BCAR3: variants seen among roughly 807,000 people sequenced by gnomAD.
BCAR3 encodes breast cancer anti-estrogen resistance protein 3.
BCAR3 carries 37 observed loss-of-function variants against 80.1 expected under a neutral mutation model. The observed-to-expected ratio is 0.46, with a 90% CI of 0.36 to 0.61. The LOEUF is 0.61. BCAR3 is among the 20% of genes least tolerant of loss of function. The probability of loss-of-function intolerance (pLI) is 0.00; values close to 1 mark genes in which losing one functional copy is unlikely to be tolerated. For synonymous variants in BCAR3, 389 were observed against 418.9 expected, an observed-to-expected ratio of 0.93 and a Z score of 0.87; for missense variants, 978 against 1,068.2, an observed-to-expected ratio of 0.92 and a Z score of 1.18.
At chr1:93,809,025 A>T (rs143800169) in intron 2 of BCAR3, among the ~76,000 whole-genome samples, 2 of 152,294 alleles carry the variant, frequency 1.3e-5, no homozygotes, top group African/African-American at 4.8e-5. Flanking sequence ...AGGCTGACAG[A>T]GGTTGGGAAG....
At chr1:93,622,023 C>T (rs1675331424) in intron 3 of BCAR3, among the ~76,000 whole-genome samples, 1 of 152,210 alleles carries the variant, frequency 6.6e-6, no homozygotes. Flanking sequence ...AGGCACCCGC[C>T]ACCATGCCTG....
intron 2 of BCAR3, among the ~76,000 whole-genome samples, chr1:93,718,018 G>T (rs1005640641): frequency 3.3e-5 from 5 of 152,296 alleles, no homozygotes; most frequent in Middle Eastern, 3.4e-3. Flanking sequence ...ACTTCACTTG[G>T]TTGTTACTTG....
intron 1 of BCAR3, among the ~76,000 whole-genome samples, chr1:93,678,612 C>T (rs191865604): frequency 2.6e-5 from 4 of 152,246 alleles, no homozygotes; most frequent in Non-Finnish European, 5.9e-5. Context: ...TGGAGGAATC[C>T]AACCTATACA....
At chr1:93,681,891 C>A (rs986543747), upstream of BCAR3, 1 of 152,280 alleles carries the variant, frequency 6.6e-6, no homozygotes, top group African/African-American at 2.4e-5. Context: ...CTCCGCGGCC[C>A]CACCCCGGCG....
chr1:93,570,068 A>G (rs1454428290), intron 9 of BCAR3, among the ~76,000 whole-genome samples: 1 of 152,230 alleles, frequency 6.6e-6, no homozygotes, highest in Non-Finnish European at 1.5e-5. Flanking sequence ...CTTATTTCAA[A>G]TACCAATCCT....
intron 2 of BCAR3, among the ~76,000 whole-genome samples, chr1:93,844,676 C>T (rs1314966891): frequency 1.3e-5 from 2 of 151,804 alleles, no homozygotes; most frequent in African/African-American, 2.4e-5. Context: ...CACCACACAC[C>T]TGACCTTGTT....
intron 3 of BCAR3, among the ~76,000 whole-genome samples, chr1:93,689,863 A>G (rs183471343): frequency 1.4e-4 from 22 of 152,322 alleles, no homozygotes; most frequent in African/African-American, 3.8e-4. Flanking sequence ...CAACTCCCCT[A>G]TACAGAAGGA....
intron 1 of BCAR3, among the ~76,000 whole-genome samples, chr1:93,675,712 G>A (rs1267262692): frequency 6.6e-6 from 1 of 151,984 alleles, no homozygotes; most frequent in Admixed American, 6.6e-5. Flanking sequence ...ATGGTGGGGG[G>A]CAAAGGAAGC....
At chr1:93,642,923 C>T (rs1353901079) in intron 2 of BCAR3, among the ~76,000 whole-genome samples, 3 of 152,198 alleles carry the variant, frequency 2.0e-5, no homozygotes, top group Non-Finnish European at 4.4e-5. Context: ...TCTGTGTGCC[C>T]AGTGTTTTTA....
intron 2 of BCAR3, among the ~76,000 whole-genome samples, chr1:93,830,876 G>A (rs1365337034): frequency 6.8e-6 from 1 of 147,908 alleles, no homozygotes; most frequent in Non-Finnish European, 1.5e-5. Context: ...AACATCTCAT[G>A]AATTTCAAAT....
rs189394088 is a variant in BCAR3 at position 93,827,942 on chromosome 1, C to T, written c.-63+17625G>A. ...CTCTGACCTTCTCCCACCCTCATGT[C>T]TCTTGCCCCTCATTCTTCCCAGTCA... is the stretch of plus-strand genomic sequence containing the variant. On this transcript the variant is annotated intron_variant, in intron 2 of 13. Coordinates refer to the BCAR3 transcript ENST00000370244. Among the ~76,000 whole-genome samples the T allele has an allele frequency of 2.0e-5, 3 of 152,272 alleles. No homozygotes were observed. The East Asian group carries it at 5.8e-4, about 29-fold the overall frequency.
At chr1:93,764,149 G>T (rs776844269) in intron 2 of BCAR3, among the ~76,000 whole-genome samples, 6 of 151,946 alleles carry the variant, frequency 3.9e-5, no homozygotes, top group Admixed American at 2.0e-4. Context: ...TGCCACAGCA[G>T]ATTTGACTCA....
chr1:93,797,030 A>C (rs984281035), intron 2 of BCAR3, among the ~76,000 whole-genome samples: 4 of 152,180 alleles, frequency 2.6e-5, no homozygotes, highest in Non-Finnish European at 5.9e-5. Flanking sequence ...GCAATTTTCC[A>C]GGAAGAAGAG....
At chr1:93,665,620 T>G (rs1647865657) in intron 2 of BCAR3, among the ~76,000 whole-genome samples, 1 of 152,174 alleles carries the variant, frequency 6.6e-6, no homozygotes, top group African/African-American at 2.4e-5. Context: ...TTAATTTCAC[T>G]TCTGTGCAGA....
At chr1:93,589,672 G>A (rs1310355039) in intron 4 of BCAR3, among the ~76,000 whole-genome samples, 2 of 152,204 alleles carry the variant, frequency 1.3e-5, no homozygotes, top group South Asian at 2.1e-4. Context: ...TGGCACACAA[G>A]AGCCCACCTT....
chr1:93,836,469 C>T (rs148262264), intron 2 of BCAR3, among the ~76,000 whole-genome samples: 1,982 of 152,102 alleles, frequency 0.013, 40 homozygotes, highest in African/African-American at 0.045. Context: ...TCATTCTATA[C>T]GACAAATGCT....
At chr1:93,800,568 T>G (rs1163414875) in intron 2 of BCAR3, among the ~76,000 whole-genome samples, 1 of 142,308 alleles carries the variant, frequency 7.0e-6, no homozygotes, top group Admixed American at 6.8e-5. Flanking sequence ...AGAGTGAGAC[T>G]CTGTCTCTAA....
chr1:93,701,262 G>T (rs1244926740), intron 3 of BCAR3, among the ~76,000 whole-genome samples: 1 of 152,200 alleles, frequency 6.6e-6, no homozygotes, highest in Non-Finnish European at 1.5e-5. Flanking sequence ...GAGCTGTGTG[G>T]CTGAGTTCTC....
At chr1:93,701,225 T>C (rs1649627991) in intron 3 of BCAR3, among the ~76,000 whole-genome samples, 1 of 152,194 alleles carries the variant, frequency 6.6e-6, no homozygotes, top group Non-Finnish European at 1.5e-5. Flanking sequence ...ACAGCGGTCA[T>C]CGTGAGGTCC....
Sources: gnomAD v4.1 joint callset for allele counts (sites outside exome capture counted in the v4.1 genomes callset) on GRCh38, gnomAD v4.1.1 for gene constraint, MANE v1.5 for transcripts, NCBI Gene and HGNC (gene_info 2026-07-23, HGNC 2026-07-21) for gene names.